Variants in CTNND2 observed in about 807,000 individuals in gnomAD.
The protein encoded by CTNND2 is catenin delta-2.
CTNND2 carries 22 observed loss-of-function variants against 144.4 expected under a neutral mutation model. The ratio of observed to expected loss-of-function variants is 0.15; its 90% confidence interval spans 0.11 to 0.22. CTNND2 has a LOEUF of 0.22. Ranked by LOEUF, CTNND2 falls within the 10% of genes least tolerant of loss-of-function variation. The probability of loss-of-function intolerance (pLI) is 1.00; values close to 1 mark genes in which losing one functional copy is unlikely to be tolerated. For missense variants in CTNND2, 1,353 were observed against 1,618.8 expected, an observed-to-expected ratio of 0.84 and a Z score of 2.82; for synonymous variants, 751 against 695.6, an observed-to-expected ratio of 1.08 and a Z score of -1.25.
intron 9 of CTNND2, among the ~76,000 whole-genome samples, chr5:11,340,574 A>G (rs181814538): frequency 6.6e-6 from 1 of 152,354 alleles, no homozygotes; most frequent in East Asian, 1.9e-4. Flanking sequence ...ATTGGGACCC[A>G]AAAAAGATTT....
chr5:11,839,784 T>TAGAG (rs113307076), intron 1 of CTNND2, among the ~76,000 whole-genome samples: 22 of 145,746 alleles, frequency 1.5e-4, no homozygotes, highest in African/African-American at 2.3e-4. Flanking sequence ...TAGACATAGG[T>TAGAG]AGAGAGAGAG....
intron 18 of CTNND2, among the ~76,000 whole-genome samples, chr5:10,994,620 G>A (rs1362118351): frequency 6.6e-6 from 1 of 152,108 alleles, no homozygotes; most frequent in Non-Finnish European, 1.5e-5. Flanking sequence ...AGACCCTGGT[G>A]ACACAGATCT....
chr5:11,827,563 T>C (rs1255315814), intron 1 of CTNND2, among the ~76,000 whole-genome samples: 1 of 152,060 alleles, frequency 6.6e-6, no homozygotes, highest in Non-Finnish European at 1.5e-5. Flanking sequence ...AAGAAAAAGA[T>C]AGAGAAAACA....
At chr5:11,900,820 C>T (rs571662716) in intron 1 of CTNND2, among the ~76,000 whole-genome samples, 2 of 152,272 alleles carry the variant, frequency 1.3e-5, no homozygotes, top group South Asian at 2.1e-4. Flanking sequence ...AAATGACTAG[C>T]AGTCCATGCT....
chr5:11,059,596 G>C (rs1463228294), intron 16 of CTNND2, among the ~76,000 whole-genome samples: 1 of 152,160 alleles, frequency 6.6e-6, no homozygotes, highest in Non-Finnish European at 1.5e-5. Context: ...ACAGAGCTGG[G>C]TTTTAGCTAT....
intron 9 of CTNND2, among the ~76,000 whole-genome samples, chr5:11,241,090 ATACACACACCCAACATG>A (rs1242698361): frequency 6.7e-6 from 1 of 149,636 alleles, no homozygotes; most frequent in African/African-American, 2.5e-5. Flanking sequence ...CACACACCCA[ATACACACACCCAACATG>A]TACACACACA....
intron 10 of CTNND2, among the ~76,000 whole-genome samples, chr5:11,220,949 A>T (rs1185227861): frequency 6.6e-6 from 1 of 152,252 alleles, no homozygotes; most frequent in Non-Finnish European, 1.5e-5. Context: ...TGCAAATAAC[A>T]AAAGAGTTAA....
At chr5:11,503,817 CA>C in intron 3 of CTNND2, among the ~76,000 whole-genome samples, 1 of 152,238 alleles carries the variant, frequency 6.6e-6, no homozygotes, top group Middle Eastern at 3.4e-3. Context: ...ACTTATGGAA[CA>C]AAACAAGGAT....
chr5:11,069,657 G>A (rs998963822), intron 16 of CTNND2, among the ~76,000 whole-genome samples: 1 of 109,992 alleles, frequency 9.1e-6, no homozygotes, highest in Non-Finnish European at 1.8e-5. Context: ...GAAAGAGAGA[G>A]AGAGAGACAG....
chr5:11,377,991 C>T (rs145048027), intron 7 of CTNND2, among the ~76,000 whole-genome samples: 2 of 152,298 alleles, frequency 1.3e-5, no homozygotes, highest in East Asian at 3.9e-4. Context: ...GGAAGGTTTG[C>T]TGAACCTTCA....
At chr5:11,884,580 A>G (rs1017520674) in intron 1 of CTNND2, among the ~76,000 whole-genome samples, 1 of 152,056 alleles carries the variant, frequency 6.6e-6, no homozygotes, top group African/African-American at 2.4e-5. Context: ...AAATTTTTCT[A>G]AATGTAAGAT....
chr5:11,848,433 T>C (rs1045915823), intron 1 of CTNND2, among the ~76,000 whole-genome samples: 3 of 152,178 alleles, frequency 2.0e-5, no homozygotes, highest in African/African-American at 7.2e-5. Flanking sequence ...ATTAATATAG[T>C]GCGTTTGATG....
chr5:11,094,846 G>C (rs1751171294), intron 15 of CTNND2, among the ~76,000 whole-genome samples: 1 of 152,196 alleles, frequency 6.6e-6, no homozygotes, highest in South Asian at 2.1e-4. Context: ...GTCTAAAACA[G>C]AACAGCTTCT....
intron 3 of CTNND2, among the ~76,000 whole-genome samples, chr5:11,555,044 A>G (rs1041159501): frequency 6.6e-6 from 1 of 152,166 alleles, no homozygotes; most frequent in Non-Finnish European, 1.5e-5. Flanking sequence ...GACTGGTGAT[A>G]CTGCCAAACA....
intron 2 of CTNND2, among the ~76,000 whole-genome samples, chr5:11,566,110 G>A (rs1486892639): frequency 6.6e-6 from 1 of 152,104 alleles, no homozygotes; most frequent in African/African-American, 2.4e-5. Context: ...CTTGCATGAG[G>A]TCTTTAAAAA....
chr5:11,294,171 C>CAA (rs1748648189), intron 9 of CTNND2, among the ~76,000 whole-genome samples: 1 of 93,708 alleles, frequency 1.1e-5, no homozygotes. Context: ...TTCACTGTCA[C>CAA]AATCTCAAAA....
At chr5:11,503,000 A>G (rs1229987808) in intron 3 of CTNND2, among the ~76,000 whole-genome samples, 1 of 152,248 alleles carries the variant, frequency 6.6e-6, no homozygotes, top group Non-Finnish European at 1.5e-5. Flanking sequence ...CAGCATATAC[A>G]AATTAAATTG....
chr5:11,293,642 T>C (rs1343358049), intron 9 of CTNND2, among the ~76,000 whole-genome samples: 1 of 151,652 alleles, frequency 6.6e-6, no homozygotes, highest in Non-Finnish European at 1.5e-5. Context: ...ATTCTTAATA[T>C]GTGTAGAGCA....
rs192668859 is a variant in CTNND2, at chr5:11,558,542, T to C, written c.287+6402A>G. Among the ~76,000 whole-genome samples the C allele has an allele frequency of 9.5e-5, 14 of 148,090 alleles. No individual in the cohort carries two copies. In the East Asian group the frequency reaches 1.6e-3, roughly 16 times the overall value. ...CACCACTCAAGGCTAATTTTTTGTA[T>C]TTTTTTTTGTAGAGATGGAGTTTCA... On this transcript the variant is annotated intron_variant, in intron 3 of 21. Transcript: ENST00000304623.
Sources: allele counts gnomAD v4.1 joint callset (sites outside exome capture counted in the v4.1 genomes callset), GRCh38; gene constraint gnomAD v4.1.1; transcripts MANE v1.5; gene names NCBI Gene and HGNC (gene_info 2026-07-23, HGNC 2026-07-21).